The following SNX29 variants were observed in gnomAD, a reference collection of about 807,000 sequenced individuals.
The protein encoded by SNX29 is sorting nexin 29, also known as sorting nexin-29.
Under a neutral mutation model 102.1 loss-of-function variants are expected in SNX29, and 78 were observed. The ratio of observed to expected loss-of-function variants is 0.76; its 90% CI spans 0.64 to 0.92. The LOEUF (loss-of-function observed/expected upper bound fraction) is 0.92, where lower values mean the gene tolerates loss of function less well. Ranked by LOEUF, SNX29 falls within the 40% of genes least tolerant of loss-of-function variation. The pLI, the probability that SNX29 is intolerant of heterozygous loss-of-function variation, is 0.00. For missense variants in SNX29, 1,280 were observed against 1,061.7 expected (o/e 1.21, Z -2.86); for synonymous variants, 580 against 414.5 (o/e 1.40, Z -4.85).
intron 14 of SNX29, among the ~76,000 whole-genome samples, chr16:12,257,541 C>A (rs1291415067): frequency 6.6e-6 from 1 of 152,126 alleles, no homozygotes; most frequent in Admixed American, 6.5e-5. Flanking sequence ...CAGGGTCTTG[C>A]TCTGCCATCC....
chr16:12,165,784 G>A (rs534912240), intron 13 of SNX29, among the ~76,000 whole-genome samples: 18 of 152,296 alleles, frequency 1.2e-4, no homozygotes, highest in African/African-American at 3.9e-4. Context: ...GGTTGGTCTC[G>A]AACTCCTGGC....
chr16:12,243,837 G>A (rs901984269), intron 14 of SNX29, among the ~76,000 whole-genome samples: 1 of 152,226 alleles, frequency 6.6e-6, no homozygotes, highest in African/African-American at 2.4e-5. Context: ...GACTCATGCG[G>A]ATTAAGTAGG....
chr16:12,134,016 C>G (rs1169022116), intron 13 of SNX29, among the ~76,000 whole-genome samples: 3 of 152,150 alleles, frequency 2.0e-5, no homozygotes, highest in Non-Finnish European at 4.4e-5. Flanking sequence ...TGGCCCTGGG[C>G]AGCTGCGAGT....
chr16:12,450,025 C>G (rs762505134), intron 18 of SNX29, among the ~76,000 whole-genome samples: 1 of 151,964 alleles, frequency 6.6e-6, no homozygotes, highest in Admixed American at 6.5e-5. Flanking sequence ...GTGAGTAATT[C>G]TCAGGAGAGC....
At chr16:12,561,183 C>T (rs979056163) in intron 20 of SNX29, 3 of 230,412 alleles carry the variant, frequency 1.3e-5, no homozygotes, top group Non-Finnish European at 2.6e-5. Flanking sequence ...GCCTGGCATG[C>T]TCTGATACTG....
chr16:12,239,961 A>T (rs560741646), intron 14 of SNX29, among the ~76,000 whole-genome samples: 2 of 152,336 alleles, frequency 1.3e-5, no homozygotes, highest in African/African-American at 4.8e-5. Context: ...ACCTCTTCCC[A>T]GTCTTTTTTA....
At position 12,037,812 on chromosome 16, in the gene SNX29, G is replaced by A. The variant is rs137959716; in HGVS notation, c.248-5085G>A. Among the ~76,000 whole-genome samples, 473 of 151,860 alleles carry A rather than the reference G, an allele frequency of 3.1e-3. 2 individuals carry two copies. Among genetic ancestry groups the A allele is most frequent in the African/African-American group, 0.011 (441 of 41,384 alleles). ...TACAGAAAAAAAAAAAAAATTAGCCGTGTATGGTGGTGTACACCTGTAGTC... is the reference window on the plus strand; with the variant it reads ...TACAGAAAAAAAAAAAAAATTAGCCATGTATGGTGGTGTACACCTGTAGTC... On this transcript the variant is annotated intron_variant, in intron 4 of 20. Coordinates refer to ENST00000566228, the MANE Select transcript of SNX29 (RefSeq NM_032167.5).
chr16:12,348,610 C>T lies in SNX29; in HGVS notation c.1783-7553C>T, dbSNP rs144044506. ...GATGCTCCCAGCCCTCCATCCCTGG[C>T]TCAGCACCCTTCCAGGTCCTCTGCT... On this transcript the variant is annotated intron_variant, in intron 15 of 20. Transcript: ENST00000566228. Among the ~76,000 whole-genome samples the T allele has an allele frequency of 1.9e-3, 282 of 152,278 alleles. 1 individual carries two copies. Among genetic ancestry groups the T allele is most frequent in the Non-Finnish European group, 3.0e-3 (205 of 68,016 alleles).
chr16:12,479,714 A>C (rs1358460375), intron 19 of SNX29, among the ~76,000 whole-genome samples: 1 of 152,238 alleles, frequency 6.6e-6, no homozygotes, highest in Non-Finnish European at 1.5e-5. Context: ...CTAAAATGTC[A>C]CAAAACAACA....
intron 14 of SNX29, among the ~76,000 whole-genome samples, chr16:12,208,727 G>T (rs755379674): frequency 2.0e-5 from 3 of 152,056 alleles, no homozygotes; most frequent in Non-Finnish European, 4.4e-5. Flanking sequence ...TGTAGTCCCA[G>T]CTCTTTGGGA....
At chr16:12,312,773 G>A (rs776035170) in intron 15 of SNX29, among the ~76,000 whole-genome samples, 3 of 151,920 alleles carry the variant, frequency 2.0e-5, no homozygotes, top group African/African-American at 4.8e-5. Flanking sequence ...ACTGATATTC[G>A]TGATGTATTA....
chr16:12,434,383 C>G (rs1282864721), intron 18 of SNX29, among the ~76,000 whole-genome samples: 1 of 152,094 alleles, frequency 6.6e-6, no homozygotes, highest in Non-Finnish European at 1.5e-5. Flanking sequence ...GGGGACAGGC[C>G]TGTACCCTGA....
At chr16:12,298,636 C>T (rs1297373934) in intron 15 of SNX29, among the ~76,000 whole-genome samples, 1 of 152,114 alleles carries the variant, frequency 6.6e-6, no homozygotes, top group Non-Finnish European at 1.5e-5. Context: ...TTAGATTTTC[C>T]TGCCAATGAG....
intron 20 of SNX29, among the ~76,000 whole-genome samples, chr16:12,566,610 C>T (rs1052268466): frequency 2.6e-5 from 4 of 152,178 alleles, no homozygotes; most frequent in African/African-American, 9.7e-5. Context: ...AGAATCAGTT[C>T]CCCTACACTG....
intron 19 of SNX29, among the ~76,000 whole-genome samples, chr16:12,492,535 T>C (rs947235572): frequency 5.9e-5 from 9 of 152,238 alleles, no homozygotes; most frequent in African/African-American, 1.9e-4. Flanking sequence ...TTTAGTTTAA[T>C]TAGATCCCAT....
chr16:12,046,332 G>T, intron 5 of SNX29, 52 bp from the exon 6 acceptor site: 2 of 1,589,350 alleles, frequency 1.3e-6, no homozygotes, highest in South Asian at 2.2e-5. Context: ...CTGGTTAATG[G>T]ACACAGAGAA....
At chr16:12,534,541 C>T (rs186232876) in intron 20 of SNX29, among the ~76,000 whole-genome samples, 53 of 152,302 alleles carry the variant, frequency 3.5e-4, no homozygotes, top group Non-Finnish European at 5.9e-4. Flanking sequence ...GCAGTTGTGT[C>T]AGTTCAGGGA....
chr16:12,398,065 G>A (rs968133188), intron 16 of SNX29, among the ~76,000 whole-genome samples: 1 of 152,176 alleles, frequency 6.6e-6, no homozygotes, highest in Admixed American at 6.5e-5. Flanking sequence ...GGGTGTGTCT[G>A]TGTGTGTGAT....
At chr16:12,547,916 G>T (rs988859770) in intron 20 of SNX29, among the ~76,000 whole-genome samples, 1 of 152,156 alleles carries the variant, frequency 6.6e-6, no homozygotes, top group Non-Finnish European at 1.5e-5. Flanking sequence ...GCTCTTAGGG[G>T]TTCAGGGATA....
Sources: allele counts gnomAD v4.1 joint callset (sites outside exome capture counted in the v4.1 genomes callset), GRCh38; gene constraint gnomAD v4.1.1; transcripts MANE v1.5; gene names NCBI Gene and HGNC (gene_info 2026-07-23, HGNC 2026-07-21).